Variants in NTM observed in about 807,000 individuals in gnomAD.
NTM encodes IgLON family member 2.
In NTM, 13 loss-of-function variants were observed where a neutral mutation model predicts 42.1. The observed-to-expected ratio is 0.31, with a 90% CI of 0.20 to 0.49. The LOEUF is 0.49. NTM is among the 20% of genes least tolerant of loss of function. The pLI is 0.99. For synonymous variants in NTM, 187 were observed against 179.2 expected (o/e 1.04, Z -0.35); for missense variants, 373 against 452.8 (o/e 0.82, Z 1.60).
At chr11:131,804,311 C>T (rs868294530) in intron 1 of NTM, among the ~76,000 whole-genome samples, 8 of 152,108 alleles carry the variant, frequency 5.3e-5, no homozygotes, top group Non-Finnish European at 7.4e-5. Flanking sequence ...TAAGTTAAGT[C>T]CAGCTTATTT....
chr11:131,783,898 T>C (rs533325326), intron 1 of NTM, among the ~76,000 whole-genome samples: 1 of 152,158 alleles, frequency 6.6e-6, no homozygotes, highest in East Asian at 1.9e-4. Flanking sequence ...GCAAATGACT[T>C]GTAACCATAA....
intron 1 of NTM, among the ~76,000 whole-genome samples, chr11:131,489,900 C>A (rs1954594243): frequency 6.6e-6 from 1 of 152,140 alleles, no homozygotes; most frequent in Admixed American, 6.6e-5. Flanking sequence ...GGGTAATTTA[C>A]AGAGAAAAAA....
intron 1 of NTM, among the ~76,000 whole-genome samples, chr11:131,375,952 A>G (rs1941918808): frequency 6.6e-6 from 1 of 151,512 alleles, no homozygotes. Flanking sequence ...CACTCCCCCT[A>G]CTTCTCTGTT....
chr11:132,038,324 T>A (rs911272826), intron 2 of NTM, among the ~76,000 whole-genome samples: 1 of 152,198 alleles, frequency 6.6e-6, no homozygotes, highest in Non-Finnish European at 1.5e-5. Context: ...TGGCCCCGGC[T>A]GTGTGTTGTA....
intron 1 of NTM, among the ~76,000 whole-genome samples, chr11:131,778,225 T>C (rs187043267): frequency 6.6e-6 from 1 of 152,310 alleles, no homozygotes; most frequent in African/African-American, 2.4e-5. Flanking sequence ...AAACCCGTGG[T>C]GATAGTTGGT....
chr11:131,987,849 A>G (rs189787919), intron 2 of NTM, among the ~76,000 whole-genome samples: 1 of 152,368 alleles, frequency 6.6e-6, no homozygotes, highest in African/African-American at 2.4e-5. Context: ...TAGGAAGTAA[A>G]TATTGAGCAT....
At chr11:131,976,135 C>CCTTCCTT (rs1428183091) in intron 2 of NTM, among the ~76,000 whole-genome samples, 1 of 140,276 alleles carries the variant, frequency 7.1e-6, no homozygotes, top group Non-Finnish European at 1.6e-5. Context: ...TTCCTTCCTT[C>CCTTCCTT]CTTCCTTCCT....
chr11:132,016,622 A>G (rs2073460399), intron 2 of NTM, among the ~76,000 whole-genome samples: 1 of 151,954 alleles, frequency 6.6e-6, no homozygotes, highest in Non-Finnish European at 1.5e-5. Context: ...ACATGTCTTT[A>G]TGTGAACGTA....
At chr11:131,770,372 C>T (rs1449923386) in intron 1 of NTM, among the ~76,000 whole-genome samples, 1 of 152,262 alleles carries the variant, frequency 6.6e-6, no homozygotes, top group Middle Eastern at 3.4e-3. Context: ...CTGGAGTCAT[C>T]AGCACAGTTG....
intron 2 of NTM, among the ~76,000 whole-genome samples, chr11:132,072,601 G>A (rs1213207179): frequency 6.6e-6 from 1 of 152,132 alleles, no homozygotes; most frequent in Non-Finnish European, 1.5e-5. Flanking sequence ...GGAAAGAACA[G>A]ACTTTCTGGA....
intron 1 of NTM, among the ~76,000 whole-genome samples, chr11:131,471,438 C>A (rs1483518042): frequency 1.3e-5 from 2 of 152,166 alleles, no homozygotes; most frequent in Non-Finnish European, 2.9e-5. Flanking sequence ...GATAGGACAC[C>A]ATCATCACAT....
intron 1 of NTM, among the ~76,000 whole-genome samples, chr11:131,717,598 G>A (rs2077847950): frequency 6.6e-6 from 1 of 152,072 alleles, no homozygotes; most frequent in Non-Finnish European, 1.5e-5. Flanking sequence ...TGCTACTCTT[G>A]TTTGTTCTAG....
At chr11:131,489,263 C>T (rs10791150) in intron 1 of NTM, among the ~76,000 whole-genome samples, 57,389 of 152,084 alleles carry the variant, frequency 0.38, 11,027 homozygotes, top group East Asian at 0.49. Context: ...AGCTGAATAA[C>T]TTTCTCAGCT....
intron 1 of NTM, among the ~76,000 whole-genome samples, chr11:131,617,452 G>A (rs1289189151): frequency 6.6e-6 from 1 of 152,182 alleles, no homozygotes; most frequent in African/African-American, 2.4e-5. Context: ...TATTTATTGA[G>A]CATCTACTGT....
chr11:131,780,359 A>G (rs921579496), intron 1 of NTM, among the ~76,000 whole-genome samples: 3 of 152,130 alleles, frequency 2.0e-5, no homozygotes, highest in African/African-American at 7.2e-5. Context: ...CTGAGGGACA[A>G]TGGCTTATTT....
intron 1 of NTM, among the ~76,000 whole-genome samples, chr11:131,479,208 G>A (rs1211927349): frequency 6.6e-6 from 1 of 152,148 alleles, no homozygotes; most frequent in African/African-American, 2.4e-5. Context: ...AGCATTTTAG[G>A]GCTTGGAGAC....
intron 1 of NTM, among the ~76,000 whole-genome samples, chr11:131,525,603 G>T (rs775333318): frequency 6.6e-6 from 1 of 152,250 alleles, no homozygotes; most frequent in South Asian, 2.1e-4. Context: ...GTAAGGTGGC[G>T]CTCTCTTCAC....
chr11:131,373,498 G>C (rs1941504190), intron 1 of NTM, among the ~76,000 whole-genome samples: 1 of 151,940 alleles, frequency 6.6e-6, no homozygotes, highest in South Asian at 2.1e-4. Flanking sequence ...GTTTCTGAGG[G>C]AATCAGCACT....
intron 7 of NTM, among the ~76,000 whole-genome samples, chr11:132,319,344 G>A (rs910798284): frequency 6.6e-6 from 1 of 152,216 alleles, no homozygotes; most frequent in African/African-American, 2.4e-5. Context: ...GGAAGCACAA[G>A]GGGTCAGGGA....
Sources: gnomAD v4.1 joint callset for allele counts (sites outside exome capture counted in the v4.1 genomes callset) on GRCh38, gnomAD v4.1.1 for gene constraint, MANE v1.5 for transcripts, NCBI Gene and HGNC (gene_info 2026-07-23, HGNC 2026-07-21) for gene names.